The following RBFOX1 variants were observed in gnomAD, a reference collection of about 807,000 sequenced individuals.
RBFOX1 encodes the protein RNA binding fox-1 homolog 1, also known as RNA binding protein fox-1 homolog 1.
A neutral mutation model predicts 57.7 loss-of-function variants in RBFOX1; 8 were observed. The observed-to-expected ratio is 0.14, with a 90% CI of 0.08 to 0.25. RBFOX1 has a LOEUF of 0.25. Among genes scored for constraint, RBFOX1 ranks in the 10% least tolerant of loss-of-function variants. RBFOX1 has a pLI of 1.00. For missense variants in RBFOX1, 611 were observed against 548.5 expected (o/e 1.11, Z -1.14); for synonymous variants, 326 against 222.4 (o/e 1.47, Z -4.15).
At chr16:6,054,222 T>G (rs1265785953) in intron 1 of RBFOX1, among the ~76,000 whole-genome samples, 1 of 152,174 alleles carries the variant, frequency 6.6e-6, no homozygotes, top group Non-Finnish European at 1.5e-5. Context: ...CTCTGCTTAT[T>G]AGGAAACATA....
intron 3 of RBFOX1, among the ~76,000 whole-genome samples, chr16:6,989,356 T>C (rs997184895): frequency 6.6e-6 from 1 of 152,232 alleles, no homozygotes; most frequent in Admixed American, 6.5e-5. Context: ...GTCTGTCTTT[T>C]GAAGGACATT....
chr16:5,743,745 G>A (rs1202886265), intron 3 of RBFOX1, among the ~76,000 whole-genome samples: 1 of 152,088 alleles, frequency 6.6e-6, no homozygotes, highest in Non-Finnish European at 1.5e-5. Context: ...GCCTTGCTGT[G>A]TTGCCCTGGC....
intron 1 of RBFOX1, among the ~76,000 whole-genome samples, chr16:5,244,653 C>T (rs554440773): frequency 3.9e-5 from 6 of 152,364 alleles, no homozygotes; most frequent in East Asian, 1.9e-4. Context: ...CGCTGGAACG[C>T]GGTGTGTCTG....
rs1361031580 is a variant in RBFOX1, at chr16:5,959,250, C to A, written c.351+91915C>A. Among the ~76,000 whole-genome samples, 3 of 152,200 alleles carry A rather than the reference C, an allele frequency of 2.0e-5. 1 individual carries two copies. Among genetic ancestry groups the A allele is most frequent in the Non-Finnish European group, 4.4e-5 (3 of 68,038 alleles). On this transcript the variant is annotated intron_variant, in intron 4 of 19. Coordinates refer to the RBFOX1 transcript ENST00000641259. ...ATTCACAGAGGGAACTCTTGCATAG[C>A]CACCTCTTGCCTTGAGAACCAATAG...
intron 4 of RBFOX1, among the ~76,000 whole-genome samples, chr16:7,145,865 A>C (rs1168809158): frequency 6.6e-6 from 1 of 151,968 alleles, no homozygotes; most frequent in Admixed American, 6.6e-5. Context: ...CTCTTCCTTC[A>C]TATACAGCCT....
chr16:6,623,502 G>A (rs1409930642), intron 2 of RBFOX1, among the ~76,000 whole-genome samples: 4 of 151,094 alleles, frequency 2.6e-5, no homozygotes, highest in Non-Finnish European at 1.5e-5. Context: ...GTGCAGGTTA[G>A]TTACATATGC....
chr16:7,300,280 C>G (rs546062762), intron 4 of RBFOX1, among the ~76,000 whole-genome samples: 13 of 152,214 alleles, frequency 8.5e-5, no homozygotes, highest in African/African-American at 3.1e-4. Context: ...TCCGGCCCCA[C>G]TGATGCCGAC....
intron 2 of RBFOX1, among the ~76,000 whole-genome samples, chr16:6,602,160 T>C (rs1046648096): frequency 6.6e-6 from 1 of 152,174 alleles, no homozygotes; most frequent in African/African-American, 2.4e-5. Context: ...CATTTTTTAA[T>C]TTGTAGTTTG....
At chr16:6,368,859 C>A (rs2152887541) in intron 2 of RBFOX1, among the ~76,000 whole-genome samples, 1 of 152,154 alleles carries the variant, frequency 6.6e-6, no homozygotes, top group Admixed American at 6.5e-5. Context: ...GTCTTGTCAT[C>A]AAAATGAGAA....
intron 2 of RBFOX1, among the ~76,000 whole-genome samples, chr16:6,378,741 C>G (rs556185981): frequency 6.6e-6 from 1 of 152,182 alleles, no homozygotes; most frequent in Non-Finnish European, 1.5e-5. Context: ...CCTCATCACT[C>G]CTGGTCTCAA....
In RBFOX1 at chr16:7,116,437, T is replaced by G. The variant is rs184420991; in HGVS notation, c.27+64339T>G. Among the ~76,000 whole-genome samples the G allele has an allele frequency of 4.7e-4, 71 of 152,206 alleles. No individual in the cohort carries two copies. The East Asian group carries it at 0.01, about 22-fold the overall frequency. ...TATTGCAGTGAAATGCACCAACATC[T>G]CTGCCCATCCCAAACTCTCCTCTCA... is the stretch of plus-strand genomic sequence containing the variant. On this transcript the variant is annotated intron_variant, in intron 4 of 15. Transcript: ENST00000550418.
intron 2 of RBFOX1, among the ~76,000 whole-genome samples, chr16:6,584,922 C>G (rs1861213): frequency 0.32 from 49,099 of 152,070 alleles, 9,701 homozygotes; most frequent in Non-Finnish European, 0.43. Context: ...TGGGGACCTG[C>G]GTTGAAAACC....
intron 4 of RBFOX1, among the ~76,000 whole-genome samples, chr16:7,052,302 G>C (rs545927846): frequency 1.3e-5 from 2 of 152,278 alleles, no homozygotes; most frequent in East Asian, 1.9e-4. Context: ...CGTTATAGTA[G>C]ATATGGATTT....
intron 2 of RBFOX1, among the ~76,000 whole-genome samples, chr16:5,525,256 C>T (rs541066799): frequency 6.6e-6 from 1 of 152,082 alleles, no homozygotes; most frequent in Admixed American, 6.6e-5. Context: ...TGTTCCTCAG[C>T]TGAGAAGACA....
chr16:7,630,622 G>C lies in RBFOX1; in HGVS notation c.696G>C (p.Gln232His). 5 of 1,614,148 alleles carry C rather than the reference G, an allele frequency of 3.1e-6. No homozygotes were observed. Among genetic ancestry groups the C allele is most frequent in the Non-Finnish European group, 3.4e-6 (4 of 1,180,036 alleles). ...EFYAGTVLLC[Q>H]ANQEGSSMYS... ...TCGTAGGCACGGTCCTGTTGTGCCAGGCCAACCAGGAGGGATCTTCCATGT... is the reference window on the plus strand; with the variant it reads ...TCGTAGGCACGGTCCTGTTGTGCCACGCCAACCAGGAGGGATCTTCCATGT... The change falls in exon 11 of 16, where the codon CAG (glutamine) becomes CAC (histidine). Residue 232 changes from glutamine to histidine, a missense_variant. Around this residue, in one of 3 missense-constraint regions of RBFOX1, gnomAD observed 99 missense variants for 160.3 expected, o/e 0.62. Transcript: ENST00000550418.
rs1334300399 is a variant in RBFOX1 at position 5,978,676 on chromosome 16, TTG to T, written c.351+111343_351+111344del. Among the ~76,000 whole-genome samples the T allele has an allele frequency of 1.2e-4, 18 of 147,590 alleles. 1 individual carries two copies. In the East Asian group the frequency reaches 1.3e-3, roughly 11 times the overall value. On this transcript the variant is annotated intron_variant, in intron 4 of 19. Coordinates refer to the RBFOX1 transcript ENST00000641259. ...CAAAGTGTTTTTTTTGTTTTTTTGT[TTG>T]TTTTTTTTTTTGTTGTTGTTGTTTT...
chr16:6,583,857 A>G (rs114148245), intron 2 of RBFOX1, among the ~76,000 whole-genome samples: 3,017 of 152,278 alleles, frequency 0.02, 125 homozygotes, highest in African/African-American at 0.068. Flanking sequence ...AGGGGAATCT[A>G]CAAATAATAG....
intron 14 of RBFOX1, among the ~76,000 whole-genome samples, chr16:7,701,845 GATAAACC>G (rs2080843111): frequency 6.6e-6 from 1 of 152,202 alleles, no homozygotes; most frequent in Non-Finnish European, 1.5e-5. Context: ...ACATTTCCTA[GATAAACC>G]ATTGCTTTCT....
Position 7,102,690 on chromosome 16 carries a change from A to G in RBFOX1, c.27+50592A>G, listed in dbSNP as rs560255220. ...TTTCTCGCTAATCTTGCACACCAGCATGTGATAGTTTATTTTATGGAGAAA... is the reference window on the plus strand; with the variant it reads ...TTTCTCGCTAATCTTGCACACCAGCGTGTGATAGTTTATTTTATGGAGAAA... On this transcript the variant is annotated intron_variant, in intron 4 of 15. Coordinates refer to ENST00000550418, the MANE Select transcript of RBFOX1 (RefSeq NM_018723.4). Among the ~76,000 whole-genome samples the G allele has an allele frequency of 3.9e-5, 6 of 152,322 alleles. No individual in the cohort carries two copies. In the East Asian group the frequency reaches 1.2e-3, roughly 29 times the overall value.
Sources: gnomAD v4.1 joint callset for allele counts (sites outside exome capture counted in the v4.1 genomes callset) on GRCh38, gnomAD v4.1.1 for gene constraint, gnomAD v4.1.1 regional missense constraint, MANE v1.5 for transcripts, NCBI Gene and HGNC (gene_info 2026-07-23, HGNC 2026-07-21) for gene names.